NBEA: variants seen among roughly 807,000 people sequenced by gnomAD.
NBEA encodes the protein neurobeachin.
NBEA carries 44 observed loss-of-function variants against 343.4 expected under a neutral mutation model. The ratio of observed to expected loss-of-function variants is 0.13; its 90% CI spans 0.10 to 0.16. The LOEUF is 0.16. Ranked by LOEUF, NBEA falls within the 10% of genes least tolerant of loss-of-function variation. The pLI is 1.00. For missense variants in NBEA, 2,555 were observed against 3,631.3 expected, an observed-to-expected ratio of 0.70 and a Z score of 7.62; for synonymous variants, 1,175 against 1,238.7, an observed-to-expected ratio of 0.95 and a Z score of 1.08.
intron 11 of NBEA, among the ~76,000 whole-genome samples, chr13:35,098,941 A>G (rs1481603429): frequency 6.6e-6 from 1 of 151,166 alleles, no homozygotes; most frequent in Non-Finnish European, 1.5e-5. Flanking sequence ...AATCGTATTT[A>G]TTATCCACTA....
At chr13:35,004,814 A>G (rs2061262210) in intron 1 of NBEA, among the ~76,000 whole-genome samples, 1 of 152,206 alleles carries the variant, frequency 6.6e-6, no homozygotes, top group African/African-American at 2.4e-5. Flanking sequence ...TTGTCTGGAC[A>G]TTTGAATTTA....
intron 46 of NBEA, among the ~76,000 whole-genome samples, chr13:35,591,584 C>G (rs1205299777): frequency 6.6e-6 from 1 of 152,146 alleles, no homozygotes; most frequent in East Asian, 1.9e-4. Flanking sequence ...TTATCTCTTT[C>G]ATCACCCTTT....
In NBEA at chr13:35,252,794, T is replaced by C. The variant is rs149639333; in HGVS notation, c.5776+20175T>C. On this transcript the variant is annotated intron_variant, in intron 34 of 58. Coordinates refer to ENST00000379939, the MANE Select transcript of NBEA (RefSeq NM_001385012.1). ...AGTGTGACCAGCCAAAGCAGGTGTTTGTAAAGTGGGCATGGACTGAAGAAT... is the reference window on the plus strand; with the variant it reads ...AGTGTGACCAGCCAAAGCAGGTGTTCGTAAAGTGGGCATGGACTGAAGAAT... Among the ~76,000 whole-genome samples, 297 of 152,254 alleles carry C rather than the reference T, an allele frequency of 2.0e-3. 3 individuals are homozygous for C. Among genetic ancestry groups the C allele is most frequent in the Middle Eastern group, 6.8e-3 (2 of 294 alleles).
intron 1 of NBEA, among the ~76,000 whole-genome samples, chr13:34,995,658 A>G (rs1358464620): frequency 6.6e-6 from 1 of 152,190 alleles, no homozygotes; most frequent in Non-Finnish European, 1.5e-5. Flanking sequence ...GTTGTGTCTC[A>G]CTTTAATCAG....
At chr13:35,272,449 A>G (rs368665776) in intron 34 of NBEA, among the ~76,000 whole-genome samples, 43 of 152,204 alleles carry the variant, frequency 2.8e-4, no homozygotes, top group African/African-American at 1.0e-3. Flanking sequence ...TGCATCAACT[A>G]ACAGGCAAAG....
chr13:35,649,687 A>G lies in NBEA; in HGVS notation c.7803A>G (p.Lys2601=). Residue 2601 remains lysine, a synonymous_variant, in exon 52 of 59, where the codon AAA becomes AAG. Transcript: ENST00000379939. Reference sequence around the variant, plus strand: ...TTCCACAGAGTCCGCTCATGTTTAAAGATCAGATGCAACAGGATGTGATAA... The same window carrying G: ...TTCCACAGAGTCCGCTCATGTTTAAGGATCAGATGCAACAGGATGTGATAA... ...CFLPQSPLMF[K]DQMQQDVIMV... 6.2e-7 allele frequency: 1 copy of G among 1,613,946 alleles called. No individual in the cohort carries two copies. Among genetic ancestry groups the G allele is most frequent in the Non-Finnish European group, 8.5e-7 (1 of 1,179,854 alleles).
chr13:35,631,117 G>A (rs553497982), intron 49 of NBEA, among the ~76,000 whole-genome samples: 1 of 152,320 alleles, frequency 6.6e-6, no homozygotes, highest in Admixed American at 6.5e-5. Context: ...GTGAGGCCGA[G>A]TCATTCAATC....
At chr13:34,998,349 C>T (rs2061007932) in intron 1 of NBEA, among the ~76,000 whole-genome samples, 1 of 152,150 alleles carries the variant, frequency 6.6e-6, no homozygotes, top group Non-Finnish European at 1.5e-5. Flanking sequence ...AAGTTTCAGG[C>T]AGGCATTGTC....
At chr13:35,242,279 A>T (rs1213629314) in intron 34 of NBEA, among the ~76,000 whole-genome samples, 2 of 151,882 alleles carry the variant, frequency 1.3e-5, no homozygotes, top group African/African-American at 4.8e-5. Context: ...TAAAAAATTC[A>T]TTATTAGGGT....
intron 11 of NBEA, among the ~76,000 whole-genome samples, chr13:35,107,376 G>A (rs35084079): frequency 6.6e-6 from 1 of 150,944 alleles, no homozygotes; most frequent in African/African-American, 2.4e-5. Context: ...TTTGAATTTT[G>A]TAGGCTATTG....
chr13:34,946,352 A>T (rs368534905), intron 1 of NBEA, among the ~76,000 whole-genome samples: 4 of 152,184 alleles, frequency 2.6e-5, no homozygotes, highest in Admixed American at 2.6e-4. Context: ...ATATGTTTAT[A>T]TAAGCTTTAT....
intron 41 of NBEA, among the ~76,000 whole-genome samples, chr13:35,485,751 A>G: frequency 6.6e-6 from 1 of 152,072 alleles, no homozygotes; most frequent in East Asian, 1.9e-4. Flanking sequence ...TAGTAACTTA[A>G]CCTTTAAAAC....
At chr13:35,236,960 C>A (rs2075269059) in intron 34 of NBEA, among the ~76,000 whole-genome samples, 1 of 152,040 alleles carries the variant, frequency 6.6e-6, no homozygotes, top group South Asian at 2.1e-4. Flanking sequence ...TCTGGTACAT[C>A]ATAAATATTC....
At chr13:35,367,331 C>T (rs889798189) in intron 38 of NBEA, among the ~76,000 whole-genome samples, 2 of 151,138 alleles carry the variant, frequency 1.3e-5, no homozygotes, top group South Asian at 2.1e-4. Context: ...CTAATTTAAT[C>T]TTAGACCATT....
chr13:35,664,800 C>T (rs777129972), intron 55 of NBEA, among the ~76,000 whole-genome samples: 1 of 152,160 alleles, frequency 6.6e-6, no homozygotes, highest in Non-Finnish European at 1.5e-5. Flanking sequence ...TGTTTCATAA[C>T]AATAATGGAA....
At chr13:35,494,934 C>T (rs1355247715) in intron 41 of NBEA, among the ~76,000 whole-genome samples, 1 of 151,364 alleles carries the variant, frequency 6.6e-6, no homozygotes, top group Admixed American at 6.6e-5. Context: ...CACCTGAGCC[C>T]ATAGAGATTG....
At chr13:35,161,428 G>A (rs1035277788) in intron 22 of NBEA, among the ~76,000 whole-genome samples, 1 of 152,146 alleles carries the variant, frequency 6.6e-6, no homozygotes, top group Non-Finnish European at 1.5e-5. Context: ...ACTTCATTAA[G>A]GAAGTAATGT....
intron 13 of NBEA, among the ~76,000 whole-genome samples, chr13:35,116,739 G>A (rs1016759278): frequency 1.3e-5 from 2 of 151,752 alleles, no homozygotes; most frequent in Non-Finnish European, 2.9e-5. Context: ...TTTTTTAAAA[G>A]TATTCTGTAT....
chr13:35,619,421 G>A (rs1441579235), intron 48 of NBEA, among the ~76,000 whole-genome samples: 3 of 152,130 alleles, frequency 2.0e-5, no homozygotes, highest in Non-Finnish European at 4.4e-5. Flanking sequence ...ATATGGCTCA[G>A]TGGCAGCAGA....
Sources: allele counts gnomAD v4.1 joint callset (sites outside exome capture counted in the v4.1 genomes callset), GRCh38; gene constraint gnomAD v4.1.1; transcripts MANE v1.5; gene names NCBI Gene and HGNC (gene_info 2026-07-23, HGNC 2026-07-21).